The following LIN28B variants were observed in gnomAD, a reference collection of about 807,000 sequenced individuals.
The protein encoded by LIN28B is protein lin-28 homolog B.
In LIN28B, 5 loss-of-function variants were observed where a neutral mutation model predicts 21.9. The observed-to-expected ratio is 0.23, with a 90% CI of 0.12 to 0.48. The LOEUF is 0.48. Among genes scored for constraint, LIN28B ranks in the 20% least tolerant of loss-of-function variants. LIN28B has a pLI of 0.98. For missense variants in LIN28B, 245 were observed against 310.5 expected, an observed-to-expected ratio of 0.79 and a Z score of 1.58; for synonymous variants, 109 against 111.3, an observed-to-expected ratio of 0.98 and a Z score of 0.13.
At chr6:104,956,543 C>A (rs572595139), upstream of LIN28B, among the ~76,000 whole-genome samples, 8 of 152,070 alleles carry the variant, frequency 5.3e-5, no homozygotes, top group South Asian at 1.7e-3. Context: ...GTGCCTCTGC[C>A]TTTTCCTAGG....
At chr6:105,011,674 A>G (rs1034168648) in intron 2 of LIN28B, among the ~76,000 whole-genome samples, 5 of 150,378 alleles carry the variant, frequency 3.3e-5, no homozygotes, top group African/African-American at 4.9e-5. Flanking sequence ...ATATGGAGAA[A>G]CTCCGTCTCT....
At chr6:105,027,236 A>G (rs191059120) in intron 3 of LIN28B, among the ~76,000 whole-genome samples, 97 of 152,116 alleles carry the variant, frequency 6.4e-4, no homozygotes, top group Admixed American at 1.1e-3. Context: ...TTCAATACCT[A>G]GTTCTAAACT....
chr6:105,068,961 A>G (rs1772274970), intron 3 of LIN28B, among the ~76,000 whole-genome samples: 2 of 152,224 alleles, frequency 1.3e-5, no homozygotes, highest in Admixed American at 1.3e-4. Flanking sequence ...TCACACCTGT[A>G]ATCCCAGCAC....
chr6:105,013,037 C>T (rs751010677), intron 2 of LIN28B, among the ~76,000 whole-genome samples: 2 of 151,932 alleles, frequency 1.3e-5, no homozygotes. Context: ...TGTTTTGAGA[C>T]GGAGTTTTGC....
chr6:104,972,830 G>A (rs1770006213), intron 2 of LIN28B, among the ~76,000 whole-genome samples: 1 of 152,212 alleles, frequency 6.6e-6, no homozygotes, highest in African/African-American at 2.4e-5. Flanking sequence ...AACAAATGAG[G>A]CCGGGTATGG....
intron 3 of LIN28B, among the ~76,000 whole-genome samples, chr6:105,074,585 C>T (rs569404641): frequency 3.9e-5 from 6 of 152,256 alleles, no homozygotes; most frequent in East Asian, 3.9e-4. Flanking sequence ...TATCTTTAAA[C>T]GCTCCTTAAA....
intron 3 of LIN28B, among the ~76,000 whole-genome samples, chr6:105,037,285 T>C (rs1771539245): frequency 6.6e-6 from 1 of 152,170 alleles, no homozygotes; most frequent in East Asian, 1.9e-4. Context: ...CACAAAGTTT[T>C]CAGCAGTCTC....
In LIN28B at chr6:104,958,330, G is replaced by A. The variant is rs777838284; in HGVS notation, c.198+44G>A. The A allele has an allele frequency of 2.8e-6, 4 of 1,450,784 alleles. No homozygotes were observed. The African/African-American group carries it at 5.5e-5, about 20-fold the overall frequency. 89.9% of individuals were successfully genotyped at this position (1,450,784 alleles called of 1,614,324 possible). A position where few individuals can be genotyped will look rare whatever the true frequency, so the allele number is the denominator to read the frequency against. ...TCCCCCTCTTCATCTTTTTCCATGT[G>A]GAGGAGCTGATCGGTAGTTATGCCA... On this transcript the variant is annotated intron_variant, in intron 2 of 3. Coordinates refer to ENST00000345080, the MANE Select transcript of LIN28B (RefSeq NM_001004317.4).
Position 105,061,867 on chromosome 6 carries a change from GT to G in LIN28B, c.384-16538del, listed in dbSNP as rs923776528. On this transcript the variant is annotated intron_variant, in intron 3 of 3. Coordinates refer to ENST00000345080, the MANE Select transcript of LIN28B (RefSeq NM_001004317.4). Reference sequence around the variant, plus strand: ...TGTACATAAACTTTGAAACTTAGGGGTTTTTTTTTCTACTGTAAGATGAAAG... The same window carrying G: ...TGTACATAAACTTTGAAACTTAGGGGTTTTTTTTCTACTGTAAGATGAAAG... Among the ~76,000 whole-genome samples, 10 of 150,532 alleles carry G rather than the reference GT, an allele frequency of 6.6e-5. 1 individual carries two copies. The highest frequency in any genetic ancestry group is 1.3e-4 in the Non-Finnish European group (9 of 67,572).
At chr6:105,046,165 C>G (rs954501844) in intron 3 of LIN28B, among the ~76,000 whole-genome samples, 2 of 152,108 alleles carry the variant, frequency 1.3e-5, no homozygotes, top group African/African-American at 2.4e-5. Context: ...ATCCGTCCCC[C>G]CTCCCTCCAC....
intron 2 of LIN28B, among the ~76,000 whole-genome samples, chr6:104,996,117 C>T (rs1361002794): frequency 1.3e-5 from 2 of 152,038 alleles, no homozygotes; most frequent in Admixed American, 6.6e-5. Flanking sequence ...TTAAAAAGGA[C>T]TTATGGGACT....
chr6:105,050,555 T>C (rs1771877929), intron 3 of LIN28B, among the ~76,000 whole-genome samples: 2 of 128,428 alleles, frequency 1.6e-5, no homozygotes, highest in African/African-American at 5.8e-5. Flanking sequence ...TGAGCTGAGA[T>C]TGCGCCACTG....
At chr6:105,050,715 CCTTTGTTATTTTACAATGTTTTA>C (rs1661045380) in intron 3 of LIN28B, among the ~76,000 whole-genome samples, 1 of 149,714 alleles carries the variant, frequency 6.7e-6, no homozygotes. Context: ...GATGGGCTTC[CCTTTGTTATTTTACAATGTTTTA>C]CATCACTGTA....
intron 3 of LIN28B, among the ~76,000 whole-genome samples, chr6:105,036,609 G>A (rs1771527134): frequency 6.6e-6 from 1 of 151,228 alleles, no homozygotes; most frequent in Non-Finnish European, 1.5e-5. Flanking sequence ...GACATTGTGT[G>A]GAGCTGAGCT....
In LIN28B at chr6:105,026,453, A is replaced by C; in HGVS notation, c.354A>C (p.Thr118=). 6.3e-7 allele frequency: 1 copy of C among 1,588,578 alleles called. No individual in the cohort carries two copies. The highest frequency in any genetic ancestry group is 8.5e-7 in the Non-Finnish European group (1 of 1,172,242). Reference sequence around the variant, plus strand: ...GTGAAAGAAGACCCAAAGGGAAGACACTACAGAAAAGAAAACCAAAGGGAG... The same window carrying C: ...GTGAAAGAAGACCCAAAGGGAAGACCCTACAGAAAAGAAAACCAAAGGGAG... The part of the protein sequence containing the change: ...LGSERRPKGK[T]LQKRKPKGDR... Residue 118 remains threonine, a synonymous_variant, in exon 3 of 4, where the codon ACA becomes ACC. Coordinates refer to ENST00000345080, the MANE Select transcript of LIN28B (RefSeq NM_001004317.4).
rs190166287 is a variant in LIN28B, at chr6:105,003,910, C to T, written c.199-22388C>T. ...TTGTCAGGGTTCTCTAGAGGGACAA[C>T]ACTAATAGGATAGATATAAATATAT... On this transcript the variant is annotated intron_variant, in intron 2 of 3. Transcript: ENST00000345080. Among the ~76,000 whole-genome samples the T allele has an allele frequency of 3.2e-3, 493 of 152,238 alleles. 2 individuals carry two copies. The Middle Eastern group carries it at 0.034, about 11-fold the overall frequency.
chr6:105,037,520 C>CTT (rs1281937626), intron 3 of LIN28B, among the ~76,000 whole-genome samples: 1 of 131,220 alleles, frequency 7.6e-6, no homozygotes, highest in Non-Finnish European at 1.6e-5. Flanking sequence ...CTTCCCCTCT[C>CTT]TTTTTTTTTT....
intron 2 of LIN28B, among the ~76,000 whole-genome samples, chr6:104,988,703 G>A (rs1033720702): frequency 9.9e-5 from 15 of 151,604 alleles, no homozygotes; most frequent in Admixed American, 2.6e-4. Flanking sequence ...TCCGCTTTGC[G>A]AGTAGTTGAG....
At chr6:105,060,938 A>G (rs1772112364) in intron 3 of LIN28B, among the ~76,000 whole-genome samples, 1 of 152,208 alleles carries the variant, frequency 6.6e-6, no homozygotes, top group Non-Finnish European at 1.5e-5. Flanking sequence ...TTCAAAAGGG[A>G]GTTGGTAGAC....
Sources: gnomAD v4.1 joint callset for allele counts (sites outside exome capture counted in the v4.1 genomes callset) on GRCh38, gnomAD v4.1.1 for gene constraint, MANE v1.5 for transcripts, NCBI Gene and HGNC (gene_info 2026-07-23, HGNC 2026-07-21) for gene names.